The following SMTNL1 variants were observed in gnomAD, a reference collection of about 807,000 sequenced individuals.
The protein encoded by SMTNL1 is smoothelin-like protein 1.
In SMTNL1, 41 loss-of-function variants were observed where a neutral mutation model predicts 46.6. The observed-to-expected ratio is 0.88, with a 90% CI of 0.69 to 1.14. The LOEUF (loss-of-function observed/expected upper bound fraction) is 1.14, where lower values mean the gene tolerates loss of function less well. Among genes scored for constraint, SMTNL1 ranks in the 50% most tolerant of loss-of-function variants. SMTNL1 has a pLI of 0.00. For synonymous variants in SMTNL1, 234 were observed against 234.2 expected (o/e 1.00, Z 0.01); for missense variants, 591 against 626.1 (o/e 0.94, Z 0.60).
intron 1 of SMTNL1, among the ~76,000 whole-genome samples, chr11:57,540,563 T>A (rs1944865437): frequency 1.3e-5 from 2 of 152,052 alleles, no homozygotes; most frequent in South Asian, 4.2e-4. Flanking sequence ...ATGAACCCCA[T>A]CATTGTCAGT....
chr11:57,543,866 C>T lies in SMTNL1; in HGVS notation c.866-3C>T. 6.3e-7 allele frequency: 1 copy of T among 1,591,442 alleles called. No homozygotes were observed. The highest frequency in any genetic ancestry group is 1.2e-5 in the South Asian group (1 of 86,946). On this transcript the variant is annotated splice_region_variant and splice_polypyrimidine_tract_variant and intron_variant, in intron 3 of 7. Coordinates refer to ENST00000527972, the MANE Select transcript of SMTNL1 (RefSeq NM_001105565.3). ...TTCCCTCCCTCCTTTCACTTTCCTC[C>T]AGATGGGCTGGGTCCAGACTGTGTA...
chr11:57,540,100 A>G (rs1015707637), intron 1 of SMTNL1, among the ~76,000 whole-genome samples: 3 of 152,190 alleles, frequency 2.0e-5, no homozygotes, highest in Non-Finnish European at 4.4e-5. Context: ...AAAGAAAAGA[A>G]AACAAAGGGA....
chr11:57,539,270 T>C (rs2135259844), intron 1 of SMTNL1, among the ~76,000 whole-genome samples: 1 of 152,154 alleles, frequency 6.6e-6, no homozygotes, highest in Admixed American at 6.5e-5. Flanking sequence ...GGTGGGAAGA[T>C]CCGTTGAGTC....
intron 7 of SMTNL1, 62 bp from the exon 8 acceptor site, chr11:57,549,906 C>A: frequency 6.3e-7 from 1 of 1,584,654 alleles, no homozygotes; most frequent in Non-Finnish European, 8.6e-7. Flanking sequence ...CTGCACCCAT[C>A]CCCTTGGCTC....
intron 2 of SMTNL1, 97 bp from the exon 3 acceptor site, chr11:57,543,527 G>C: frequency 1.3e-6 from 2 of 1,530,334 alleles, no homozygotes; most frequent in Non-Finnish European, 1.8e-6. Flanking sequence ...GTGCAGCACC[G>C]TAGTCCCAGG....
intron 1 of SMTNL1, among the ~76,000 whole-genome samples, chr11:57,539,038 G>A (rs1485401278): frequency 1.3e-5 from 2 of 152,180 alleles, no homozygotes; most frequent in South Asian, 2.1e-4. Flanking sequence ...AGTATGCAGC[G>A]TGTAGGCAGA....
chr11:57,541,301 T>C (rs1423949444), intron 1 of SMTNL1, among the ~76,000 whole-genome samples: 1 of 152,190 alleles, frequency 6.6e-6, no homozygotes, highest in African/African-American at 2.4e-5. Flanking sequence ...TTTTAGTGTG[T>C]GACAGGAGTG....
chr11:57,542,868 G>C lies in SMTNL1; in HGVS notation c.226G>C (p.Val76Leu). 6.2e-7 allele frequency: 1 copy of C among 1,612,486 alleles called. No individual in the cohort carries two copies. Among genetic ancestry groups the C allele is most frequent in the Non-Finnish European group, 8.5e-7 (1 of 1,179,244 alleles). ...GGGGGAAGCAAATGGATTAGATGAG[G>C]TCAAAGTGGAATCTCAGAGGGAGGC... ...LQGEANGLDE[V>L]KVESQREAGG... The change falls in exon 2 of 8, where the codon GTC becomes CTC. Residue 76 changes from valine (V) to leucine (L), a missense_variant. Transcript: ENST00000527972.
At chr11:57,542,594 C>T in intron 1 of SMTNL1, 47 bp from the exon 2 acceptor site, 1 of 1,540,634 alleles carries the variant, frequency 6.5e-7, no homozygotes, top group Non-Finnish European at 8.7e-7. Context: ...GTCTTCACCT[C>T]ATGCTGGGCT....
In SMTNL1 at chr11:57,546,551, C is replaced by T; in HGVS notation, c.1239C>T (p.Phe413=). 1.9e-6 allele frequency: 3 copies of T among 1,614,208 alleles called. No individual in the cohort carries two copies. The highest frequency in any genetic ancestry group is 3.3e-5 in the Admixed American group (2 of 60,032). ...FSSSWSSGMA[F]CALIHKFFPD... ...CCAGCTGGAGCAGTGGTATGGCCTT[C>T]TGTGCCCTCATCCACAAGTTCTTCC... Residue 413 remains phenylalanine (F), a synonymous_variant, in exon 7 of 8, where the codon TTC becomes TTT. Transcript: ENST00000527972.
intron 7 of SMTNL1, 70 bp from the exon 8 acceptor site, chr11:57,549,898 G>A (rs1419631499): frequency 1.3e-5 from 21 of 1,564,116 alleles, no homozygotes; most frequent in Non-Finnish European, 1.8e-5. Flanking sequence ...TGGGCTGCCT[G>A]CACCCATCCC....
chr11:57,545,371 G>A (rs1944913426), intron 4 of SMTNL1, among the ~76,000 whole-genome samples: 3 of 151,934 alleles, frequency 2.0e-5, no homozygotes, highest in African/African-American at 2.4e-5. Context: ...TTGGGAGGCT[G>A]AGGCGGGTAG....
Position 57,546,646 on chromosome 11 carries a change from C to T in SMTNL1, c.1334C>T (p.Thr445Ile), listed in dbSNP as rs1354850206. Reference sequence around the variant, plus strand: ...CACAACTTCACCCTGGCCTTCTCCACAGCAGAGTAAGCCACAGCCATGGGC... The same window carrying T: ...CACAACTTCACCCTGGCCTTCTCCATAGCAGAGTAAGCCACAGCCATGGGC... The part of the protein sequence containing the change: ...RRHNFTLAFS[T>I]AEKLADCAQL... The change falls in exon 7 of 8, where the codon ACA becomes ATA. Residue 445 changes from threonine (T) to isoleucine (I), a missense_variant. By Grantham distance (89) the Thr-to-Ile change is moderately conservative. Transcript: ENST00000527972. The T allele has an allele frequency of 1.9e-6, 3 of 1,613,316 alleles. No individual in the cohort carries two copies. Among genetic ancestry groups the T allele is most frequent in the South Asian group, 1.1e-5 (1 of 90,954 alleles).
At chr11:57,540,888 T>C (rs1036370298) in intron 1 of SMTNL1, among the ~76,000 whole-genome samples, 8 of 152,098 alleles carry the variant, frequency 5.3e-5, no homozygotes, top group Admixed American at 2.6e-4. Flanking sequence ...TTTTTGTATT[T>C]GTAGTAGAGA....
intron 1 of SMTNL1, among the ~76,000 whole-genome samples, chr11:57,540,524 C>T (rs55798614): frequency 1.3e-5 from 2 of 152,310 alleles, no homozygotes; most frequent in Non-Finnish European, 2.9e-5. Context: ...TAGTTTTCCA[C>T]AGAACACAAT....
At position 57,546,041 on chromosome 11, in the gene SMTNL1, G is replaced by C; in HGVS notation, c.1073+5G>C. The C allele has an allele frequency of 6.3e-7, 1 of 1,576,130 alleles. No homozygotes were observed. Among genetic ancestry groups the C allele is most frequent in the Non-Finnish European group, 8.6e-7 (1 of 1,162,174 alleles). On this transcript the variant is annotated splice_donor_5th_base_variant and intron_variant, in intron 5 of 7. Coordinates refer to ENST00000527972, the MANE Select transcript of SMTNL1 (RefSeq NM_001105565.3). ...CATCGTGGACAAGTTTGGCGGGTAG[G>C]ACACAGGCCAGGGGCTGGGCTGGGC...
chr11:57,542,697 G>T lies in SMTNL1; in HGVS notation c.55G>T (p.Ala19Ser). 6.2e-7 allele frequency: 1 copy of T among 1,613,846 alleles called. No homozygotes were observed. Among genetic ancestry groups the T allele is most frequent in the Non-Finnish European group, 8.5e-7 (1 of 1,179,822 alleles). Reference protein sequence around the residue: ...SEDGTTVSPAADNPEMSGGGA... With the variant: ...SEDGTTVSPASDNPEMSGGGA... ...GGATGGGACCACCGTCTCCCCAGCT[G>T]CGGACAACCCTGAGATGTCAGGAGG... Residue 19 changes from alanine (A) to serine (S), a missense_variant, in exon 2 of 8, where the codon GCG becomes TCG. By Grantham distance (99) the Ala-to-Ser change is moderately conservative. Coordinates refer to ENST00000527972, the MANE Select transcript of SMTNL1 (RefSeq NM_001105565.3).
chr11:57,541,380 C>A, intron 1 of SMTNL1: 1 of 610,168 alleles, frequency 1.6e-6, no homozygotes, highest in Non-Finnish European at 2.5e-6. Flanking sequence ...GTAACTACAC[C>A]CCCCAAAAAG....
At chr11:57,546,944 G>A (rs557865062) in intron 7 of SMTNL1, among the ~76,000 whole-genome samples, 68 of 152,144 alleles carry the variant, frequency 4.5e-4, no homozygotes, top group Middle Eastern at 3.4e-3. Flanking sequence ...ACCAGCCTGG[G>A]CAACATAGTG....
Sources: allele counts gnomAD v4.1 joint callset (sites outside exome capture counted in the v4.1 genomes callset), GRCh38; gene constraint gnomAD v4.1.1; transcripts MANE v1.5; gene names NCBI Gene and HGNC (gene_info 2026-07-23, HGNC 2026-07-21).